MAP3K2: variants seen among roughly 807,000 people sequenced by gnomAD.
MAP3K2 encodes the protein mitogen-activated protein kinase kinase kinase 2, also known as MAP/ERK kinase kinase 2.
MAP3K2 carries 24 observed loss-of-function variants against 80.3 expected under a neutral mutation model. The ratio of observed to expected loss-of-function variants is 0.30; its 90% confidence interval spans 0.22 to 0.42. The LOEUF (loss-of-function observed/expected upper bound fraction) is 0.42. MAP3K2 is among the 10% of genes least tolerant of loss of function. The pLI, the probability that MAP3K2 is intolerant of heterozygous loss-of-function variation, is 1.00. For missense variants in MAP3K2, 608 were observed against 750.1 expected, an observed-to-expected ratio of 0.81 and a Z score of 2.21; for synonymous variants, 244 against 253.7, an observed-to-expected ratio of 0.96 and a Z score of 0.36.
At chr2:127,356,118 G>A (rs1287193512) in intron 1 of MAP3K2, among the ~76,000 whole-genome samples, 7 of 152,034 alleles carry the variant, frequency 4.6e-5, no homozygotes, top group African/African-American at 7.3e-5. Context: ...CTCCTCTGAA[G>A]TCTTGAACCC....
rs56307783 is a variant in MAP3K2 at position 127,329,968 on chromosome 2, T to C, written c.419A>G (p.Asp140Gly). 2,714 of 1,609,988 alleles carry C rather than the reference T, an allele frequency of 1.7e-3. 7 individuals are homozygous for C. Among genetic ancestry groups the C allele is most frequent in the Non-Finnish European group, 2.1e-3 (2,495 of 1,176,770 alleles). ...LEPLPSLEDL[D>G]NTVFGAERKK... ...CCTCTCTGCTCCAAATACTGTATTA[T>C]CCAAATCTTCTAGTGATGGCAATGG... The change falls in exon 7 of 17, where the codon GAT (aspartate) becomes GGT (glycine). Residue 140 changes from aspartate to glycine, a missense_variant. By Grantham distance (94) the Asp-to-Gly change is moderately conservative. This residue lies in a region of MAP3K2 where 467 missense variants were observed against 521.9 expected (regional missense o/e 0.89). Transcript: ENST00000682094.
chr2:127,319,161 C>T (rs56262274), intron 12 of MAP3K2, among the ~76,000 whole-genome samples: 4,719 of 151,304 alleles, frequency 0.031, 91 homozygotes, highest in Non-Finnish European at 0.049. Context: ...AGCCTTCAGC[C>T]GCTGGAGAAA....
chr2:127,380,851 G>A (rs1288109140), intron 1 of MAP3K2, among the ~76,000 whole-genome samples: 2 of 152,138 alleles, frequency 1.3e-5, no homozygotes, highest in Non-Finnish European at 2.9e-5. Flanking sequence ...TTGAGAATAA[G>A]AGGAAAGGTT....
At chr2:127,348,980 A>AT (rs1466711255) in intron 1 of MAP3K2, among the ~76,000 whole-genome samples, 1 of 152,156 alleles carries the variant, frequency 6.6e-6, no homozygotes, top group Admixed American at 6.5e-5. Context: ...ACTAATTCAA[A>AT]TTTTTACAAA....
chr2:127,357,304 T>C (rs959140520), intron 1 of MAP3K2, among the ~76,000 whole-genome samples: 2 of 152,146 alleles, frequency 1.3e-5, no homozygotes, highest in South Asian at 2.1e-4. Context: ...CTGGGCAACA[T>C]AGCAAGAACT....
In MAP3K2 at chr2:127,317,689, A is replaced by G. The variant is rs200753745; in HGVS notation, c.1266T>C (p.Tyr422=). ...NLLHERIVQY[Y]GCLRDPQEKT... is the part of the protein sequence containing the mutation. ...TTTCCTGGGGATCCCTCAAACAGCC[A>G]TAATACTGAACAATTCGCTCATGTA... is the stretch of plus-strand genomic sequence containing the variant. Residue 422 remains tyrosine (Y), a synonymous_variant, in exon 14 of 17, where the codon TAT becomes TAC. Coordinates refer to ENST00000682094, the MANE Select transcript of MAP3K2 (RefSeq NM_001371910.2). The G allele has an allele frequency of 2.1e-3, 3,367 of 1,596,374 alleles. 7 individuals are homozygous for G. The highest frequency in any genetic ancestry group is 2.7e-3 in the Non-Finnish European group (3,171 of 1,170,260).
At chr2:127,376,342 T>C (rs1467759878) in intron 1 of MAP3K2, among the ~76,000 whole-genome samples, 3 of 152,088 alleles carry the variant, frequency 2.0e-5, no homozygotes, top group South Asian at 2.1e-4. Flanking sequence ...AGCGCAACCA[T>C]GTGAACTGCC....
chr2:127,332,251 A>G (rs890250355), intron 5 of MAP3K2, among the ~76,000 whole-genome samples: 5 of 152,240 alleles, frequency 3.3e-5, no homozygotes, highest in African/African-American at 9.6e-5. Context: ...AAGCACTGGA[A>G]AACATTTTAA....
rs559938913 is a variant in MAP3K2, at chr2:127,335,182, A to G, written c.264+688T>C. On this transcript the variant is annotated intron_variant, in intron 5 of 16. Coordinates refer to ENST00000682094, the MANE Select transcript of MAP3K2 (RefSeq NM_001371910.2). ...ACTCCATGAGGTGCTGCAACTTATA[A>G]CTTATAGCATTATGCCTGAAAAATT... is the stretch of plus-strand genomic sequence containing the variant. Among the ~76,000 whole-genome samples the G allele has an allele frequency of 3.2e-3, 487 of 152,340 alleles. 4 individuals carry two copies. Among genetic ancestry groups the G allele is most frequent in the African/African-American group, 0.011 (452 of 41,570 alleles).
At chr2:127,379,778 G>A (rs1399940820) in intron 1 of MAP3K2, among the ~76,000 whole-genome samples, 3 of 152,154 alleles carry the variant, frequency 2.0e-5, no homozygotes, top group Admixed American at 1.3e-4. Flanking sequence ...TTAGGAGCAC[G>A]TATTCTAGAG....
intron 5 of MAP3K2, among the ~76,000 whole-genome samples, chr2:127,333,304 A>ACACACC (rs1553517135): frequency 6.1e-5 from 9 of 146,542 alleles, no homozygotes; most frequent in South Asian, 2.2e-4. Context: ...ACACACACAC[A>ACACACC]CCCCTTATTA....
chr2:127,367,296 T>C (rs1375081855), intron 1 of MAP3K2, among the ~76,000 whole-genome samples: 1 of 152,192 alleles, frequency 6.6e-6, no homozygotes, highest in East Asian at 1.9e-4. Flanking sequence ...CTAAGAAGTT[T>C]TGTAAATACT....
rs1473936619 is a variant in MAP3K2, at chr2:127,339,107, C to T, written c.5-57G>A. The T allele has an allele frequency of 1.0e-6, 1 of 972,774 alleles. No homozygotes were observed. The highest frequency in any genetic ancestry group is 1.6e-6 in the Non-Finnish European group (1 of 640,524). The allele number at this position is 972,774 out of a possible 1,614,324, so 60.3% of individuals were successfully genotyped here. A position where few individuals can be genotyped will look rare whatever the true frequency, so the allele number is the denominator to read the frequency against. On this transcript the variant is annotated intron_variant, in intron 2 of 16. Transcript: ENST00000682094. This position sits in a 1 kb window ranked among gnomAD's most constrained non-coding sequence, Gnocchi z 4.2. Reference sequence around the variant, plus strand: ...ATTGTAATTGTGACATATATATCAACATGTATAGACATCAAACACAAAATT... The same window carrying T: ...ATTGTAATTGTGACATATATATCAATATGTATAGACATCAAACACAAAATT...
At chr2:127,330,641 G>C in intron 5 of MAP3K2, 136 bp from the exon 6 acceptor site, 1 of 513,386 alleles carries the variant, frequency 1.9e-6, no homozygotes, top group Non-Finnish European at 3.5e-6. Flanking sequence ...GTCTGAATGT[G>C]TATGTGTATA....
chr2:127,320,946 C>T lies in MAP3K2; in HGVS notation c.1045+1100G>A, dbSNP rs368099900. Among the ~76,000 whole-genome samples, 80 of 152,158 alleles carry T rather than the reference C, an allele frequency of 5.3e-4. No homozygotes were observed. In the South Asian group the frequency reaches 0.016, roughly 30 times the overall value. On this transcript the variant is annotated intron_variant, in intron 12 of 16. Transcript: ENST00000682094. ...ACCAGCCTGGGCAACACAGCAAAAC[C>T]CACTCTCTACAAAAAATACAAAAAT... is the stretch of plus-strand genomic sequence containing the variant.
rs888035627 is a variant in MAP3K2, at chr2:127,305,569, C to T, written c.*2010G>A. On this transcript the variant is annotated 3_prime_UTR_variant, in exon 17 of 17. Coordinates refer to ENST00000682094, the MANE Select transcript of MAP3K2 (RefSeq NM_001371910.2). ...AGAAACAAAGTATCGTAAAAGAGTC[C>T]CTAAATAAGCACACCTTTTGGCAGA... is the stretch of plus-strand genomic sequence containing the variant. 2.0e-5 allele frequency: 3 copies of T among 152,004 alleles called. No homozygotes were observed. The South Asian group carries it at 6.2e-4, about 32-fold the overall frequency. The allele number at this position is 152,004 out of a possible 1,614,324, so 9.4% of individuals were successfully genotyped here.
rs78828629 is a variant in MAP3K2 at position 127,345,693 on chromosome 2, A to G, written c.-65-2499T>C. 7.7e-3 allele frequency among the ~76,000 whole-genome samples: 1,166 copies of G among 152,352 alleles called. 20 individuals are homozygous for G. The highest frequency in any genetic ancestry group is 0.027 in the African/African-American group (1,122 of 41,578). On this transcript the variant is annotated intron_variant, in intron 1 of 16. Transcript: ENST00000682094. ...AAGTGTGTTCTCTGACAAAAATGCA[A>G]TAAAATTAGAAATTGGCAACACAAG...
At chr2:127,376,938 G>A (rs1687162622) in intron 1 of MAP3K2, among the ~76,000 whole-genome samples, 1 of 151,932 alleles carries the variant, frequency 6.6e-6, no homozygotes, top group Non-Finnish European at 1.5e-5. Flanking sequence ...TGGTGTGCCT[G>A]TAGTCCCAGC....
At chr2:127,336,224 T>C (rs1686368825) in intron 4 of MAP3K2, among the ~76,000 whole-genome samples, 2 of 152,254 alleles carry the variant, frequency 1.3e-5, no homozygotes, top group Non-Finnish European at 2.9e-5. Flanking sequence ...GTTTTTAATT[T>C]GCACTGAAAC....
Sources: gnomAD v4.1 joint callset for allele counts (sites outside exome capture counted in the v4.1 genomes callset) on GRCh38, gnomAD v4.1.1 for gene constraint, gnomAD v4.1.1 regional missense constraint, Gnocchi (gnomAD v3.1) non-coding constraint, MANE v1.5 for transcripts, NCBI Gene and HGNC (gene_info 2026-07-23, HGNC 2026-07-21) for gene names.